The following GRM7 variants were observed in gnomAD, a reference collection of about 807,000 sequenced individuals.
The protein encoded by GRM7 is metabotropic glutamate receptor 7.
In GRM7, 35 loss-of-function variants were observed where a neutral mutation model predicts 84.5. That is an observed-to-expected ratio of 0.41 (90% CI 0.32 to 0.55). The LOEUF (loss-of-function observed/expected upper bound fraction) is 0.55, where lower values mean the gene tolerates loss of function less well. GRM7 is among the 20% of genes least tolerant of loss of function. The pLI is 0.19. For missense variants in GRM7, 1,003 were observed against 1,194.6 expected, an observed-to-expected ratio of 0.84 and a Z score of 2.36; for synonymous variants, 487 against 455.1, an observed-to-expected ratio of 1.07 and a Z score of -0.89.
chr3:7,397,981 C>T (rs1422427065), intron 4 of GRM7, among the ~76,000 whole-genome samples: 1 of 152,038 alleles, frequency 6.6e-6, no homozygotes, highest in Admixed American at 6.6e-5. Flanking sequence ...AAAATTGACC[C>T]ATGTGATATA....
intron 1 of GRM7, among the ~76,000 whole-genome samples, chr3:7,145,260 C>G (rs1416341357): frequency 3.3e-5 from 5 of 151,934 alleles, no homozygotes; most frequent in African/African-American, 1.2e-4. Flanking sequence ...AGGGATAAGA[C>G]CTGGGAGAGT....
chr3:7,126,069 A>G (rs986747395), intron 1 of GRM7, among the ~76,000 whole-genome samples: 1 of 152,216 alleles, frequency 6.6e-6, no homozygotes, highest in African/African-American at 2.4e-5. Context: ...CTGCAAAGCA[A>G]ACAGGATCAG....
intron 1 of GRM7, among the ~76,000 whole-genome samples, chr3:7,067,511 G>A (rs935269996): frequency 1.3e-5 from 2 of 152,020 alleles, no homozygotes; most frequent in African/African-American, 4.8e-5. Flanking sequence ...AAGCACTGCT[G>A]AAAGAAATCA....
chr3:7,136,363 C>G (rs1371954679), intron 1 of GRM7, among the ~76,000 whole-genome samples: 3 of 151,754 alleles, frequency 2.0e-5, no homozygotes, highest in Non-Finnish European at 4.4e-5. Context: ...CTAGTTATGT[C>G]TGGCAAAGTT....
At chr3:7,296,105 G>T (rs1157841297) in intron 2 of GRM7, among the ~76,000 whole-genome samples, 25 of 151,914 alleles carry the variant, frequency 1.6e-4, no homozygotes, top group African/African-American at 5.3e-4. Context: ...TATATAGAGA[G>T]AGAGAATTTT....
At chr3:7,178,558 T>A (rs892858699) in intron 2 of GRM7, among the ~76,000 whole-genome samples, 1 of 152,164 alleles carries the variant, frequency 6.6e-6, no homozygotes, top group Admixed American at 6.5e-5. Context: ...TATAGGTTTA[T>A]ACGCTGAATG....
At chr3:6,916,630 T>G (rs767234562) in intron 1 of GRM7, among the ~76,000 whole-genome samples, 1 of 152,146 alleles carries the variant, frequency 6.6e-6, no homozygotes, top group Non-Finnish European at 1.5e-5. Context: ...GGGAACAAGC[T>G]GCCTCAGTCC....
In GRM7 at chr3:6,889,773, T is replaced by C. The variant is rs1695858301; in HGVS notation, c.519+27866T>C. ...AAATGAGTTAGGGAGGATTCCCTCTTTTTCTATTGATTGGAATAGTTTCAG... is the reference window on the plus strand; with the variant it reads ...AAATGAGTTAGGGAGGATTCCCTCTCTTTCTATTGATTGGAATAGTTTCAG... On this transcript the variant is annotated intron_variant, in intron 1 of 9. Transcript: ENST00000357716. 2.6e-5 allele frequency among the ~76,000 whole-genome samples: 4 copies of C among 152,212 alleles called. No homozygotes were observed. The South Asian group carries it at 8.3e-4, about 32-fold the overall frequency.
At chr3:7,096,821 T>A (rs1698876328) in intron 1 of GRM7, among the ~76,000 whole-genome samples, 1 of 152,178 alleles carries the variant, frequency 6.6e-6, no homozygotes, top group South Asian at 2.1e-4. Flanking sequence ...GAAATTCCAG[T>A]GGTTTTTGAA....
intron 7 of GRM7, among the ~76,000 whole-genome samples, chr3:7,497,974 G>T (rs924238095): frequency 2.6e-5 from 4 of 152,160 alleles, no homozygotes; most frequent in African/African-American, 9.7e-5. Flanking sequence ...CTTCCAGGAA[G>T]TCCAATCTTT....
At chr3:6,867,283 T>G (rs142304315) in intron 1 of GRM7, among the ~76,000 whole-genome samples, 4 of 152,198 alleles carry the variant, frequency 2.6e-5, no homozygotes, top group Non-Finnish European at 5.9e-5. Context: ...GATAACACTT[T>G]CTTTACTTTA....
At chr3:7,448,307 T>A (rs1697614412) in intron 5 of GRM7, among the ~76,000 whole-genome samples, 1 of 151,934 alleles carries the variant, frequency 6.6e-6, no homozygotes, top group Admixed American at 6.6e-5. Context: ...TAGTTCTAGA[T>A]CCCTGAGGAA....
intron 1 of GRM7, among the ~76,000 whole-genome samples, chr3:7,051,188 C>G (rs1169039258): frequency 6.6e-6 from 1 of 151,686 alleles, no homozygotes; most frequent in Non-Finnish European, 1.5e-5. Flanking sequence ...GAATCAAATG[C>G]TTCATCTTGT....
chr3:7,070,916 C>G (rs1697855323), intron 1 of GRM7, among the ~76,000 whole-genome samples: 1 of 152,078 alleles, frequency 6.6e-6, no homozygotes, highest in South Asian at 2.1e-4. Context: ...GGTTCAACTT[C>G]ACTAAAAAGA....
In GRM7 at chr3:7,461,684, C is replaced by T. The variant is rs376175278; in HGVS notation, c.1477C>T (p.Arg493Cys). ...CACAAACACCAGCAACCCGGGTTACCGTCTGATCGGGCAGTGGACAGACGA... is the reference window on the plus strand; with the variant it reads ...CACAAACACCAGCAACCCGGGTTACTGTCTGATCGGGCAGTGGACAGACGA... ...QTTNTSNPGY[R>C]LIGQWTDELQ... is the part of the protein sequence containing the mutation. The change falls in exon 7 of 10, where the codon CGT becomes TGT. Residue 493 changes from arginine (R) to cysteine (C), a missense_variant. Transcript: ENST00000357716. 3.1e-6 allele frequency: 5 copies of T among 1,613,744 alleles called. No homozygotes were observed. Among genetic ancestry groups the T allele is most frequent in the East Asian group, 2.2e-5 (1 of 44,868 alleles).
At chr3:7,033,389 AAATAT>A (rs1553609080) in intron 1 of GRM7, among the ~76,000 whole-genome samples, 6 of 152,290 alleles carry the variant, frequency 3.9e-5, no homozygotes, top group East Asian at 3.9e-4. Context: ...TGACTTATTA[AAATAT>A]AATATGAAGA....
At chr3:7,223,631 C>T (rs1418813586) in intron 2 of GRM7, among the ~76,000 whole-genome samples, 1 of 152,044 alleles carries the variant, frequency 6.6e-6, no homozygotes, top group Admixed American at 6.5e-5. Flanking sequence ...CTCATCTGTA[C>T]ATGTGAGAGT....
intron 1 of GRM7, among the ~76,000 whole-genome samples, chr3:7,134,229 T>C (rs751427726): frequency 2.4e-4 from 37 of 152,164 alleles, no homozygotes; most frequent in Non-Finnish European, 4.4e-4. Context: ...GAGAACTGCA[T>C]GTTACTGCTA....
chr3:7,244,852 G>C (rs1697697852), intron 2 of GRM7, among the ~76,000 whole-genome samples: 1 of 152,014 alleles, frequency 6.6e-6, no homozygotes, highest in African/African-American at 2.4e-5. Flanking sequence ...AACCAAGATA[G>C]ACTGCATATG....
Sources: allele counts gnomAD v4.1 joint callset (sites outside exome capture counted in the v4.1 genomes callset), GRCh38; gene constraint gnomAD v4.1.1; transcripts MANE v1.5; gene names NCBI Gene and HGNC (gene_info 2026-07-23, HGNC 2026-07-21).